The following EPB41L2 variants were observed in gnomAD, a reference collection of about 807,000 sequenced individuals.
EPB41L2 encodes band 4.1-like protein 2.
In EPB41L2, 43 loss-of-function variants were observed where a neutral mutation model predicts 113.0. The ratio of observed to expected loss-of-function variants is 0.38; its 90% CI spans 0.30 to 0.49. The LOEUF (loss-of-function observed/expected upper bound fraction) is 0.49, where lower values mean the gene tolerates loss of function less well. EPB41L2 is among the 20% of genes least tolerant of loss of function. The probability of loss-of-function intolerance (pLI) is 0.95; values close to 1 mark genes in which losing one functional copy is unlikely to be tolerated. For synonymous variants in EPB41L2, 442 were observed against 436.7 expected, an observed-to-expected ratio of 1.01 and a Z score of -0.15; for missense variants, 1,147 against 1,223.4, an observed-to-expected ratio of 0.94 and a Z score of 0.93.
At position 130,997,422 on chromosome 6, in the gene EPB41L2, A is replaced by G. The variant is rs371880382; in HGVS notation, c.-14-40923T>C. The stretch of plus-strand genomic sequence containing the variant: ...TGAAGGTAGTCAAAAAGCATCAACC[A>G]TCTGAGGTCACATCTAAGTGCAGGG... On this transcript the variant is annotated intron_variant, in intron 1 of 19. Transcript: ENST00000337057. Among the ~76,000 whole-genome samples, 368 of 152,250 alleles carry G rather than the reference A, an allele frequency of 2.4e-3. 2 individuals carry two copies. The highest frequency in any genetic ancestry group is 7.7e-3 in the African/African-American group (320 of 41,508).
At chr6:130,860,541 T>C (rs2128427321) in intron 18 of EPB41L2, among the ~76,000 whole-genome samples, 1 of 152,344 alleles carries the variant, frequency 6.6e-6, no homozygotes, top group East Asian at 1.9e-4. Context: ...ATTTTTATTT[T>C]TATTTTTTTG....
chr6:131,014,674 C>A (rs1242097312), intron 1 of EPB41L2, among the ~76,000 whole-genome samples: 1 of 152,162 alleles, frequency 6.6e-6, no homozygotes, highest in African/African-American at 2.4e-5. Flanking sequence ...CAAAAGGGTA[C>A]AATTTCAGAA....
chr6:130,876,981 T>A (rs947703038), intron 14 of EPB41L2, among the ~76,000 whole-genome samples: 2 of 152,178 alleles, frequency 1.3e-5, no homozygotes, highest in Non-Finnish European at 2.9e-5. Flanking sequence ...GAAATTGACA[T>A]TTTTTATCAT....
chr6:130,950,522 T>A (rs892945528), intron 3 of EPB41L2, among the ~76,000 whole-genome samples: 2 of 151,726 alleles, frequency 1.3e-5, no homozygotes, highest in African/African-American at 2.4e-5. Context: ...ATCAACGATT[T>A]AAAAAAAACA....
intron 1 of EPB41L2, among the ~76,000 whole-genome samples, chr6:131,032,094 C>A (rs762880536): frequency 2.0e-5 from 3 of 152,042 alleles, no homozygotes; most frequent in Non-Finnish European, 2.9e-5. Context: ...ATAAACCAAG[C>A]TTACATCAGT....
intron 1 of EPB41L2, among the ~76,000 whole-genome samples, chr6:131,018,415 T>C (rs1328789921): frequency 1.3e-5 from 2 of 151,976 alleles, no homozygotes; most frequent in Admixed American, 6.6e-5. Context: ...AAATCAGGGT[T>C]GTGTTGGTAA....
intron 7 of EPB41L2, 69 bp from the exon 8 acceptor site, chr6:130,899,647 G>C: frequency 2.1e-6 from 3 of 1,422,948 alleles, no homozygotes; most frequent in Non-Finnish European, 3.0e-6. Context: ...AATGGGAGGA[G>C]TGTCTGTGCT....
At chr6:130,851,719 T>C (rs1348108338) in intron 19 of EPB41L2, among the ~76,000 whole-genome samples, 1 of 152,240 alleles carries the variant, frequency 6.6e-6, no homozygotes, top group Admixed American at 6.5e-5. Flanking sequence ...CTGACTTCTG[T>C]TCATCAATTT....
At chr6:130,938,715 G>A (rs1210366355) in intron 3 of EPB41L2, among the ~76,000 whole-genome samples, 1 of 151,954 alleles carries the variant, frequency 6.6e-6, no homozygotes, top group African/African-American at 2.4e-5. Context: ...CTTCAATAGT[G>A]AAATTCTACC....
chr6:130,851,338 T>C (rs1204855166), intron 19 of EPB41L2, among the ~76,000 whole-genome samples: 1 of 152,234 alleles, frequency 6.6e-6, no homozygotes, highest in East Asian at 1.9e-4. Context: ...TTTGAAACCC[T>C]GCACATCACC....
At chr6:131,043,932 T>C (rs144046954) in intron 1 of EPB41L2, among the ~76,000 whole-genome samples, 285 of 151,988 alleles carry the variant, frequency 1.9e-3, no homozygotes, top group African/African-American at 6.4e-3. Flanking sequence ...AGCTGACAGA[T>C]GTTAAAGCTG....
chr6:130,935,497 A>G (rs1808474892), intron 3 of EPB41L2, among the ~76,000 whole-genome samples: 1 of 152,210 alleles, frequency 6.6e-6, no homozygotes, highest in African/African-American at 2.4e-5. Context: ...AAGCTTAAAC[A>G]AGATGCAAAA....
intron 1 of EPB41L2, among the ~76,000 whole-genome samples, chr6:131,041,142 T>C (rs1794382004): frequency 1.3e-5 from 2 of 152,128 alleles, no homozygotes; most frequent in African/African-American, 2.4e-5. Flanking sequence ...AGCACAGATA[T>C]TAGAAAATAT....
intron 1 of EPB41L2, among the ~76,000 whole-genome samples, chr6:130,985,874 A>G (rs1308542131): frequency 6.6e-6 from 1 of 152,198 alleles, no homozygotes; most frequent in Non-Finnish European, 1.5e-5. Context: ...TAGGTGTACA[A>G]TTAAATAGTT....
intron 1 of EPB41L2, among the ~76,000 whole-genome samples, chr6:131,039,498 A>G (rs187879222): frequency 6.6e-6 from 1 of 152,208 alleles, no homozygotes; most frequent in Non-Finnish European, 1.5e-5. Flanking sequence ...GGCCTTAGAG[A>G]TCATCTAACT....
At chr6:131,057,018 G>A (rs914966717) in intron 1 of EPB41L2, among the ~76,000 whole-genome samples, 1 of 151,900 alleles carries the variant, frequency 6.6e-6, no homozygotes, top group African/African-American at 2.4e-5. Context: ...GAAGTACAAT[G>A]GGAGATAGGG....
At chr6:130,967,093 G>A (rs1416046995) in intron 1 of EPB41L2, among the ~76,000 whole-genome samples, 2 of 152,048 alleles carry the variant, frequency 1.3e-5, no homozygotes, top group Non-Finnish European at 2.9e-5. Context: ...AAAAAATACA[G>A]TTGTCCCTCA....
rs184939675 is a variant in EPB41L2 at position 130,844,136 on chromosome 6, T to C, written c.*6-3538A>G. Among the ~76,000 whole-genome samples, 29 of 152,262 alleles carry C rather than the reference T, an allele frequency of 1.9e-4. 1 individual carries two copies. The East Asian group carries it at 3.3e-3, about 17-fold the overall frequency. Reference sequence around the variant, plus strand: ...ATCTAGAGAGAAGTCTCAATAAAAATGCAAAAATGTGGTTTTCCCCCAGAT... The same window carrying C: ...ATCTAGAGAGAAGTCTCAATAAAAACGCAAAAATGTGGTTTTCCCCCAGAT... On this transcript the variant is annotated intron_variant, in intron 19 of 19. Coordinates refer to ENST00000337057, the MANE Select transcript of EPB41L2 (RefSeq NM_001431.4).
At chr6:130,867,864 G>A (rs1784310844) in intron 15 of EPB41L2, 1 of 355,066 alleles carries the variant, frequency 2.8e-6, no homozygotes, top group Non-Finnish European at 5.3e-6. Flanking sequence ...TTGACATGAT[G>A]GCTTCCTAAA....
Sources: gnomAD v4.1 joint callset for allele counts (sites outside exome capture counted in the v4.1 genomes callset) on GRCh38, gnomAD v4.1.1 for gene constraint, MANE v1.5 for transcripts, NCBI Gene and HGNC (gene_info 2026-07-23, HGNC 2026-07-21) for gene names.